ANO10: variants seen among roughly 807,000 people sequenced by gnomAD.
ANO10 encodes anoctamin-10.
Under a neutral mutation model 74.7 loss-of-function variants are expected in ANO10, and 77 were observed. The ratio of observed to expected loss-of-function variants is 1.03; its 90% CI spans 0.86 to 1.25. The LOEUF (loss-of-function observed/expected upper bound fraction) is 1.25. Ranked by LOEUF, ANO10 falls within the 50% of genes most tolerant of loss-of-function variation. The pLI is 0.00. For missense variants in ANO10, 721 were observed against 778.1 expected (o/e 0.93, Z 0.87); for synonymous variants, 279 against 284.9 (o/e 0.98, Z 0.21).
chr3:43,670,188 A>C (rs2084041268), intron 1 of ANO10, among the ~76,000 whole-genome samples: 1 of 152,038 alleles, frequency 6.6e-6, no homozygotes, highest in Non-Finnish European at 1.5e-5. Context: ...TCCCATCTCT[A>C]CAAATAAATA....
chr3:43,382,675 T>C lies in ANO10; in HGVS notation c.1915-15701A>G, dbSNP rs149883427. Among the ~76,000 whole-genome samples, 490 of 152,270 alleles carry C rather than the reference T, an allele frequency of 3.2e-3. 5 individuals carry two copies. Among genetic ancestry groups the C allele is most frequent in the African/African-American group, 0.011 (466 of 41,546 alleles). On this transcript the variant is annotated intron_variant, in intron 12 of 12. Coordinates refer to ENST00000292246, the MANE Select transcript of ANO10 (RefSeq NM_018075.5). ...GAGAGAAGATCCAAATAAGCTTAAT[T>C]AGAAACGAAACGGGAGATATTACAA...
intron 9 of ANO10, among the ~76,000 whole-genome samples, chr3:43,557,572 A>G (rs1318878007): frequency 6.6e-6 from 1 of 151,658 alleles, no homozygotes; most frequent in East Asian, 2.0e-4. Context: ...TGTCTCTACT[A>G]AAAATACAAA....
intron 11 of ANO10, among the ~76,000 whole-genome samples, chr3:43,538,814 A>C (rs1206171893): frequency 6.6e-6 from 1 of 152,160 alleles, no homozygotes; most frequent in Admixed American, 6.5e-5. Context: ...CAGCTTCCTC[A>C]ACCCAACGAA....
intron 11 of ANO10, among the ~76,000 whole-genome samples, chr3:43,444,508 C>T (rs1020229354): frequency 6.6e-5 from 10 of 152,150 alleles, no homozygotes; most frequent in South Asian, 4.1e-4. Flanking sequence ...CTAAGGCCTA[C>T]AAAGCAAAGT....
chr3:43,597,118 G>A (rs1488464817), intron 4 of ANO10, among the ~76,000 whole-genome samples: 5 of 152,150 alleles, frequency 3.3e-5, no homozygotes, highest in Non-Finnish European at 7.3e-5. Context: ...GAAACAACAG[G>A]TGCTGGAGAG....
At chr3:43,465,666 T>TA (rs1408934398) in intron 11 of ANO10, among the ~76,000 whole-genome samples, 2 of 151,910 alleles carry the variant, frequency 1.3e-5, no homozygotes, top group Non-Finnish European at 2.9e-5. Context: ...AATAAATAAA[T>TA]AAATAATCTT....
At chr3:43,568,456 G>A (rs1378699995) in intron 7 of ANO10, among the ~76,000 whole-genome samples, 1 of 151,978 alleles carries the variant, frequency 6.6e-6, no homozygotes, top group East Asian at 1.9e-4. Flanking sequence ...CTCAGCAAAT[G>A]TAAAAGAACA....
chr3:43,448,873 C>CTTT (rs35711363), intron 11 of ANO10, among the ~76,000 whole-genome samples: 12 of 134,256 alleles, frequency 8.9e-5, no homozygotes, highest in Non-Finnish European at 1.4e-4. Flanking sequence ...TTCTTTCTTT[C>CTTT]TTTTTTTTTT....
chr3:43,521,922 G>A (rs544870291), intron 11 of ANO10, among the ~76,000 whole-genome samples: 15 of 152,220 alleles, frequency 9.9e-5, no homozygotes, highest in Admixed American at 9.8e-4. Context: ...ACAGAAGAAT[G>A]AATTCAGTAT....
At chr3:43,656,177 C>G (rs528528482) in intron 1 of ANO10, among the ~76,000 whole-genome samples, 1 of 151,636 alleles carries the variant, frequency 6.6e-6, no homozygotes, top group Non-Finnish European at 1.5e-5. Flanking sequence ...CACCTCCCCA[C>G]CAGAGCAGCT....
chr3:43,421,651 C>T (rs1159340866), intron 12 of ANO10, among the ~76,000 whole-genome samples: 2 of 152,128 alleles, frequency 1.3e-5, no homozygotes, highest in African/African-American at 4.8e-5. Context: ...ATGGCAAGAC[C>T]CTGTCTCTAC....
rs541732657 is a variant in ANO10, at chr3:43,443,668, C to T, written c.1798-10941G>A. On this transcript the variant is annotated intron_variant, in intron 11 of 12. Transcript: ENST00000292246. ...GTATGAAAGCATGAAAAGTATTTTA[C>T]TTCCTTCCTTCTTTTTTTTTTTTTT... is the stretch of plus-strand genomic sequence containing the variant. 5.7e-5 allele frequency among the ~76,000 whole-genome samples: 7 copies of T among 122,530 alleles called. No homozygotes were observed. In the South Asian group the frequency reaches 1.9e-3, roughly 33 times the overall value. 80.4% of individuals were successfully genotyped at this position (122,530 alleles called of 152,430 possible).
chr3:43,445,299 G>A (rs1165034663), intron 11 of ANO10, among the ~76,000 whole-genome samples: 1 of 152,036 alleles, frequency 6.6e-6, no homozygotes, highest in African/African-American at 2.4e-5. Context: ...AATAAAGCAT[G>A]AACTTTAGTT....
At chr3:43,405,754 G>T (rs974772750) in intron 12 of ANO10, among the ~76,000 whole-genome samples, 10 of 152,036 alleles carry the variant, frequency 6.6e-5, no homozygotes, top group Non-Finnish European at 1.3e-4. Flanking sequence ...GATTACAGGC[G>T]TGAGCCACTG....
intron 1 of ANO10, among the ~76,000 whole-genome samples, chr3:43,684,592 T>C (rs1395806349): frequency 6.6e-6 from 1 of 152,116 alleles, no homozygotes; most frequent in Non-Finnish European, 1.5e-5. Flanking sequence ...TATATACCCA[T>C]AGGATTATAA....
At chr3:43,548,378 C>T (rs767228574) in intron 11 of ANO10, among the ~76,000 whole-genome samples, 6 of 152,170 alleles carry the variant, frequency 3.9e-5, no homozygotes, top group Non-Finnish European at 5.9e-5. Flanking sequence ...TTGCAAATAG[C>T]TCTCCAAAAT....
chr3:43,549,545 C>A (rs538831989), intron 11 of ANO10, among the ~76,000 whole-genome samples, 175 bp downstream of exon 11: 1 of 152,242 alleles, frequency 6.6e-6, no homozygotes, highest in Admixed American at 6.5e-5. Context: ...TGGGCAATAA[C>A]CATGAATACA....
In ANO10 at chr3:43,533,859, C is replaced by A. The variant is rs554137741; in HGVS notation, c.1797+15861G>T. Among the ~76,000 whole-genome samples the A allele has an allele frequency of 2.0e-5, 3 of 152,336 alleles. No individual in the cohort carries two copies. The East Asian group carries it at 5.8e-4, about 29-fold the overall frequency. ...GTCATCTTACACATGGATTCCTTTA[C>A]ATTGAAAATTTTGTTAATTGCCAAT... On this transcript the variant is annotated intron_variant, in intron 11 of 12. Transcript: ENST00000292246.
rs1553683437 is a variant in ANO10, at chr3:43,480,979, A to ATAATTGTGTAATAATACAATTAC, written c.1798-48253_1798-48252insGTAATTGTATTATTACACAATTA. ...AACCACTACATTGTATTATTGTATAATAATTGTATAATAATACAATATACT... is the reference window on the plus strand; with the variant it reads ...AACCACTACATTGTATTATTGTATAATAATTGTGTAATAATACAATTACTAATTGTATAATAATACAATATACT... On this transcript the variant is annotated intron_variant, in intron 11 of 12. Transcript: ENST00000292246. Among the ~76,000 whole-genome samples, 7 of 150,326 alleles carry ATAATTGTGTAATAATACAATTAC rather than the reference A, an allele frequency of 4.7e-5. No homozygotes were observed. The East Asian group carries it at 5.9e-4, about 13-fold the overall frequency.
Sources: allele counts gnomAD v4.1 joint callset (sites outside exome capture counted in the v4.1 genomes callset), GRCh38; gene constraint gnomAD v4.1.1; transcripts MANE v1.5; gene names NCBI Gene and HGNC (gene_info 2026-07-23, HGNC 2026-07-21).